ABCG5: variants seen among roughly 807,000 people sequenced by gnomAD.
ABCG5 encodes ATP-binding cassette sub-family G member 5.
Under a neutral mutation model 64.5 loss-of-function variants are expected in ABCG5, and 64 were observed. The ratio of observed to expected loss-of-function variants is 0.99; its 90% CI spans 0.81 to 1.22. The LOEUF is 1.22. Among genes scored for constraint, ABCG5 ranks in the 50% most tolerant of loss-of-function variants. The probability of loss-of-function intolerance (pLI) is 0.00; values close to 1 mark genes in which losing one functional copy is unlikely to be tolerated. For synonymous variants in ABCG5, 385 were observed against 326.3 expected (o/e 1.18, Z -1.94); for missense variants, 908 against 829.5 (o/e 1.09, Z -1.16).
intron 11 of ABCG5, among the ~76,000 whole-genome samples, chr2:43,819,457 TG>T (rs1327031944): frequency 7.9e-5 from 12 of 151,320 alleles, no homozygotes; most frequent in African/African-American, 2.9e-4. Flanking sequence ...TGATACTCTT[TG>T]GAGCAGTCTT....
chr2:43,822,879 A>T lies in ABCG5; in HGVS notation c.1381T>A (p.Trp461Arg). 2 of 1,614,104 alleles carry T rather than the reference A, an allele frequency of 1.2e-6. No homozygotes were observed. Among genetic ancestry groups the T allele is most frequent in the Non-Finnish European group, 1.7e-6 (2 of 1,179,998 alleles). ...QESQDGLYQK[W>R]QMMLAYALHV... ...AGTGCATAGGCCAGCATCATCTGCC[A>T]CTTCTGGTAGAGGCCGTCCTGACTC... The change falls in exon 10 of 13, where the codon TGG becomes AGG. Residue 461 changes from tryptophan (W) to arginine (R), a missense_variant. By Grantham distance (101) the Trp-to-Arg change is moderately radical. Coordinates refer to ENST00000405322, the MANE Select transcript of ABCG5 (RefSeq NM_022436.3).
At chr2:43,836,866 C>CA (rs1215425244) in intron 2 of ABCG5, among the ~76,000 whole-genome samples, 3 of 151,764 alleles carry the variant, frequency 2.0e-5, no homozygotes, top group East Asian at 3.9e-4. Context: ...GCTGTCTCTA[C>CA]AAAAAAAGAT....
At chr2:43,833,155 C>G (rs1668052476) in intron 2 of ABCG5, among the ~76,000 whole-genome samples, 1 of 151,892 alleles carries the variant, frequency 6.6e-6, no homozygotes, top group Admixed American at 6.6e-5. Flanking sequence ...ACCTGATGGC[C>G]CCTCAGTCAT....
the ABCG5 span, among the ~76,000 whole-genome samples, chr2:43,806,380 A>T: frequency 6.6e-6 from 1 of 152,214 alleles, no homozygotes; most frequent in Non-Finnish European, 1.5e-5. Flanking sequence ...AGTAGGAGCC[A>T]GGGTTTTTTT....
intron 2 of ABCG5, 172 bp from the exon 3 acceptor site, chr2:43,832,255 C>T (rs772693324): frequency 1.2e-4 from 101 of 851,292 alleles, no homozygotes; most frequent in Non-Finnish European, 1.7e-4. Context: ...ATGGAACGCG[C>T]ACTGTGCGTG....
At chr2:43,832,300 T>A in intron 2 of ABCG5, 2 of 629,288 alleles carry the variant, frequency 3.2e-6, no homozygotes, top group South Asian at 1.9e-5. Context: ...CTCTGGATTG[T>A]CCCCTGAGTG....
At chr2:43,821,864 TTC>T (rs981203527) in intron 10 of ABCG5, among the ~76,000 whole-genome samples, 28 of 151,908 alleles carry the variant, frequency 1.8e-4, no homozygotes, top group South Asian at 1.0e-3. Context: ...CTATTTTTCA[TTC>T]TCTCTCTCTC....
At chr2:43,836,837 T>A (rs1443741649) in intron 2 of ABCG5, among the ~76,000 whole-genome samples, 1 of 151,988 alleles carries the variant, frequency 6.6e-6, no homozygotes, top group Admixed American at 6.6e-5. Flanking sequence ...AAAAAGAGTC[T>A]GGGAAACATA....
Position 43,838,766 on chromosome 2 carries a change from C to T in ABCG5, c.-87G>A. The T allele has an allele frequency of 6.4e-7, 1 of 1,568,606 alleles. No homozygotes were observed. Reference sequence around the variant, plus strand: ...CAGTTGGGGAGCCCGTGGCAGACTGCCCTGCCTGCTCCACCTGACCCCGGA... The same window carrying T: ...CAGTTGGGGAGCCCGTGGCAGACTGTCCTGCCTGCTCCACCTGACCCCGGA... On this transcript the variant is annotated 5_prime_UTR_variant, in exon 1 of 13. Coordinates refer to ENST00000405322, the MANE Select transcript of ABCG5 (RefSeq NM_022436.3). The surrounding 1 kb of genome is among the most constrained non-coding windows in gnomAD (Gnocchi z 4.2).
chr2:43,822,478 G>GCCCCCCCCCCC (rs55983843), intron 10 of ABCG5: 4 of 432,344 alleles, frequency 9.3e-6, no homozygotes, highest in African/African-American at 8.6e-5. Context: ...CCTCCCCCAG[G>GCCCCCCCCCCC]CCCCCCCCCA....
chr2:43,823,078 C>T, intron 9 of ABCG5, 143 bp from the exon 10 acceptor site: 2 of 1,093,372 alleles, frequency 1.8e-6, no homozygotes, highest in Non-Finnish European at 1.4e-6. Flanking sequence ...AAGGAGGGGA[C>T]CTGCCATCCA....
intron 11 of ABCG5, 81 bp from the exon 12 acceptor site, chr2:43,814,670 A>C (rs1237412265): frequency 2.5e-6 from 2 of 814,334 alleles, no homozygotes; most frequent in Non-Finnish European, 2.0e-6. Flanking sequence ...CAATCCTTAT[A>C]TTTTCCAACA....
At chr2:43,830,740 G>T (rs1667905341) in intron 4 of ABCG5, among the ~76,000 whole-genome samples, 1 of 152,218 alleles carries the variant, frequency 6.6e-6, no homozygotes, top group Admixed American at 6.5e-5. Flanking sequence ...ACCTGTCATT[G>T]GTTCCCTGGG....
the ABCG5 span, among the ~76,000 whole-genome samples, chr2:43,807,179 T>A: frequency 6.6e-6 from 1 of 152,130 alleles, no homozygotes; most frequent in East Asian, 1.9e-4. Context: ...TTGTTTCCAA[T>A]TGTGTGCTGT....
In ABCG5 at chr2:43,838,770, G is replaced by T. The variant is rs1486110518; in HGVS notation, c.-91C>A. On this transcript the variant is annotated 5_prime_UTR_variant, in exon 1 of 13. Coordinates refer to ENST00000405322, the MANE Select transcript of ABCG5 (RefSeq NM_022436.3). The surrounding 1 kb of genome is among the most constrained non-coding windows in gnomAD (Gnocchi z 4.2). ...TGGGGAGCCCGTGGCAGACTGCCCT[G>T]CCTGCTCCACCTGACCCCGGAGTCC... 1 of 1,566,130 alleles carries T rather than the reference G, an allele frequency of 6.4e-7. No individual in the cohort carries two copies. Among genetic ancestry groups the T allele is most frequent in the Admixed American group, 1.9e-5 (1 of 52,932 alleles).
intron 10 of ABCG5, chr2:43,822,568 A>C (rs1667297857): frequency 1.0e-6 from 1 of 978,958 alleles, no homozygotes; most frequent in South Asian, 4.8e-5. Context: ...GGTCATTCCC[A>C]GGCACATGTC....
chr2:43,838,565 C>T lies in ABCG5; in HGVS notation c.115G>A (p.Gly39Ser), dbSNP rs1159565661. The T allele has an allele frequency of 3.1e-6, 5 of 1,608,016 alleles. No individual in the cohort carries two copies. Among genetic ancestry groups the T allele is most frequent in the Non-Finnish European group, 4.2e-6 (5 of 1,177,866 alleles). The change falls in exon 1 of 13, where the codon GGC (glycine) becomes AGC (serine). Residue 39 changes from glycine (G) to serine (S), a missense_variant. Physicochemically the swap from Gly to Ser is moderately conservative, Grantham distance 56 (BLOSUM62 0). Coordinates refer to ENST00000405322, the MANE Select transcript of ABCG5 (RefSeq NM_022436.3). This position sits in a 1 kb window ranked among gnomAD's most constrained non-coding sequence, Gnocchi z 4.2. ...ACGCTGTAGGAGGCATGGAGGATGCCCAGGCTGTGAGGCTCCGGGGCGGTG... is the reference window on the plus strand; with the variant it reads ...ACGCTGTAGGAGGCATGGAGGATGCTCAGGCTGTGAGGCTCCGGGGCGGTG... ...PATAPEPHSL[G>S]ILHASYSVSH...
At position 43,828,088 on chromosome 2, in the gene ABCG5, G is replaced by A; in HGVS notation, c.529C>T (p.Leu177=). The change falls in exon 5 of 13, where the codon CTG becomes TTG. Residue 177 remains leucine, a synonymous_variant. Transcript: ENST00000405322. ...ATCAGTCGGTCTGCCACATGGCTCA[G>A]ACTCAGCTCTGCCATGACGGCCTCC... ...KVEAVMAELS[L]SHVADRLIGN... 6.2e-7 allele frequency: 1 copy of A among 1,614,048 alleles called. No homozygotes were observed. The highest frequency in any genetic ancestry group is 8.5e-7 in the Non-Finnish European group (1 of 1,180,026).
rs570454141 is a variant in ABCG5, at chr2:43,838,139, C to T, written c.144-184G>A. ...AGATAGCGACTGAGGCTGTCTGCCA[C>T]GTAGGGAGGGGGCCTGTGCTGGAGT... On this transcript the variant is annotated intron_variant, in intron 1 of 12. Coordinates refer to ENST00000405322, the MANE Select transcript of ABCG5 (RefSeq NM_022436.3). The surrounding 1 kb of genome is among the most constrained non-coding windows in gnomAD (Gnocchi z 4.2). The T allele has an allele frequency of 8.1e-4, 610 of 751,426 alleles. 1 individual carries two copies. The highest frequency in any genetic ancestry group is 2.0e-3 in the South Asian group (116 of 57,572). 46.5% of individuals were successfully genotyped at this position (751,426 alleles called of 1,614,324 possible).
Sources: gnomAD v4.1 joint callset for allele counts (sites outside exome capture counted in the v4.1 genomes callset) on GRCh38, gnomAD v4.1.1 for gene constraint, Gnocchi (gnomAD v3.1) non-coding constraint, MANE v1.5 for transcripts, NCBI Gene and HGNC (gene_info 2026-07-23, HGNC 2026-07-21) for gene names.